The following HYCC1 variants were observed in gnomAD, a reference collection of about 807,000 sequenced individuals.
The protein encoded by HYCC1 is hyccin.
At chr7:22,952,169 A>G in the HYCC1 span, among the ~76,000 whole-genome samples, 2 of 151,990 alleles carry the variant, frequency 1.3e-5, no homozygotes, top group Admixed American at 6.6e-5. Flanking sequence ...AAGGGAACAG[A>G]GCTCACACTG....
At chr7:22,995,354 T>C in the HYCC1 span, among the ~76,000 whole-genome samples, 1 of 151,588 alleles carries the variant, frequency 6.6e-6, no homozygotes, top group Non-Finnish European at 1.5e-5. Context: ...ATCTTGGTGA[T>C]TTTTTTTCTT....
At chr7:22,915,267 G>A in the HYCC1 span, among the ~76,000 whole-genome samples, 4 of 152,172 alleles carry the variant, frequency 2.6e-5, no homozygotes, top group South Asian at 8.3e-4. Context: ...GAGAAGAGTT[G>A]CAATTACTTG....
the HYCC1 span, among the ~76,000 whole-genome samples, chr7:23,000,357 T>C: frequency 1.3e-5 from 2 of 152,134 alleles, no homozygotes; most frequent in Non-Finnish European, 2.9e-5. Context: ...CCAAATAATA[T>C]ATTTATATAG....
At chr7:22,975,135 C>G in the HYCC1 span, among the ~76,000 whole-genome samples, 1 of 152,210 alleles carries the variant, frequency 6.6e-6, no homozygotes, top group African/African-American at 2.4e-5. Context: ...AGAAATTATT[C>G]CACATGTTCC....
the HYCC1 span, chr7:22,941,866 G>C: frequency 1.2e-4 from 19 of 152,094 alleles, no homozygotes; most frequent in Non-Finnish European, 2.8e-4. Flanking sequence ...TTCATACAAA[G>C]ACTGGGAGGA....
the HYCC1 span, among the ~76,000 whole-genome samples, chr7:22,956,918 T>C: frequency 1.3e-5 from 2 of 151,950 alleles, no homozygotes; most frequent in Non-Finnish European, 1.5e-5. Flanking sequence ...ATGTTAAGAA[T>C]AAAGTAATTT....
At chr7:22,924,009 A>C in the HYCC1 span, among the ~76,000 whole-genome samples, 3 of 149,842 alleles carry the variant, frequency 2.0e-5, no homozygotes, top group Non-Finnish European at 4.4e-5. Context: ...AAAAAAAAAA[A>C]AAAAACCCAA....
chr7:22,993,061 G>C, the HYCC1 span, among the ~76,000 whole-genome samples: 1 of 152,068 alleles, frequency 6.6e-6, no homozygotes, highest in African/African-American at 2.4e-5. Flanking sequence ...GAACAGAATA[G>C]AGTGGCCAGA....
the HYCC1 span, among the ~76,000 whole-genome samples, chr7:22,932,895 TAG>T: frequency 2.6e-5 from 4 of 152,272 alleles, no homozygotes; most frequent in South Asian, 8.3e-4. Context: ...CATAATGGGT[TAG>T]AGTGAACCCT....
chr7:22,908,795 C>T, the HYCC1 span, among the ~76,000 whole-genome samples: 1 of 152,164 alleles, frequency 6.6e-6, no homozygotes, highest in Non-Finnish European at 1.5e-5. Flanking sequence ...ACCTGGGGGC[C>T]TTGGGCCACA....
At chr7:23,012,210 A>G in the HYCC1 span, among the ~76,000 whole-genome samples, 2 of 152,228 alleles carry the variant, frequency 1.3e-5, no homozygotes, top group African/African-American at 4.8e-5. Context: ...AAGATCCATT[A>G]TAAAATAAAT....
At chr7:22,968,375 A>T in the HYCC1 span, among the ~76,000 whole-genome samples, 1 of 152,220 alleles carries the variant, frequency 6.6e-6, no homozygotes, top group Non-Finnish European at 1.5e-5. Flanking sequence ...CATACCAACA[A>T]GGGCAATACC....
At chr7:22,899,332 G>T in the HYCC1 span, among the ~76,000 whole-genome samples, 298 of 152,212 alleles carry the variant, frequency 2.0e-3, 2 homozygotes, top group African/African-American at 6.5e-3. Context: ...CAGCATGGGG[G>T]GCCTGGGGAT....
the HYCC1 span, among the ~76,000 whole-genome samples, chr7:22,897,109 G>A: frequency 6.6e-6 from 1 of 152,194 alleles, no homozygotes; most frequent in Non-Finnish European, 1.5e-5. Flanking sequence ...GACCAAATAA[G>A]GTAAGAGAGT....
the HYCC1 span, among the ~76,000 whole-genome samples, chr7:22,992,242 T>C: frequency 6.6e-6 from 1 of 152,082 alleles, no homozygotes; most frequent in South Asian, 2.1e-4. Context: ...CTAAGGTTCC[T>C]GCTGTCTAAT....
the HYCC1 span, among the ~76,000 whole-genome samples, chr7:23,011,637 T>C: frequency 1.3e-5 from 2 of 152,192 alleles, no homozygotes; most frequent in African/African-American, 4.8e-5. Context: ...TCTACCACCC[T>C]CACTATCTTC....
At chr7:22,921,725 T>A in the HYCC1 span, among the ~76,000 whole-genome samples, 1 of 152,208 alleles carries the variant, frequency 6.6e-6, no homozygotes, top group Non-Finnish European at 1.5e-5. Context: ...TTTAAAAATA[T>A]GAATTTTTAA....
the HYCC1 span, among the ~76,000 whole-genome samples, chr7:22,995,689 TA>T: frequency 7.3e-3 from 1,114 of 152,248 alleles, 15 homozygotes; most frequent in Non-Finnish European, 0.012. Flanking sequence ...GAATAGGAGA[TA>T]AAGTTTCCTT....
At chr7:22,954,627 A>G in the HYCC1 span, among the ~76,000 whole-genome samples, 2 of 151,530 alleles carry the variant, frequency 1.3e-5, no homozygotes, top group African/African-American at 4.8e-5. Context: ...TTTTATTTCA[A>G]CTACATAAAT....
Sources: allele counts gnomAD v4.1 joint callset (sites outside exome capture counted in the v4.1 genomes callset), GRCh38; gene constraint gnomAD v4.1.1; transcripts MANE v1.5; gene names NCBI Gene and HGNC (gene_info 2026-07-23, HGNC 2026-07-21).